Variants in FAM161A observed in about 807,000 individuals in gnomAD.
FAM161A encodes the protein protein FAM161A.
Under a neutral mutation model 70.9 loss-of-function variants are expected in FAM161A, and 57 were observed. The observed-to-expected ratio is 0.80, with a 90% CI of 0.65 to 1.00. FAM161A has a LOEUF of 1.00. Among genes scored for constraint, FAM161A ranks in the 50% least tolerant of loss-of-function variants. FAM161A has a pLI of 0.00. For synonymous variants in FAM161A, 299 were observed against 295.7 expected (o/e 1.01, Z -0.12); for missense variants, 880 against 836.0 (o/e 1.05, Z -0.65).
the FAM161A span, among the ~76,000 whole-genome samples, chr2:61,807,633 A>ATTTT: frequency 0.012 from 1,386 of 113,264 alleles, 42 homozygotes; most frequent in African/African-American, 0.046. Flanking sequence ...TGGACTCCAG[A>ATTTT]TTTTTTTTTT....
At chr2:61,804,866 G>A in the FAM161A span, among the ~76,000 whole-genome samples, 5 of 141,862 alleles carry the variant, frequency 3.5e-5, no homozygotes, top group African/African-American at 1.3e-4. Flanking sequence ...GGGAGGGAGG[G>A]AGCGAGAGAA....
chr2:61,825,965 G>T lies in FAM161A; in HGVS notation c.*490C>A. ...TTTCTATACTTTTAAAAATGGCTCAGAGCAGCAAAACAAGTTAGAGGATTT... is the reference window on the plus strand; with the variant it reads ...TTTCTATACTTTTAAAAATGGCTCATAGCAGCAAAACAAGTTAGAGGATTT... On this transcript the variant is annotated 3_prime_UTR_variant, in exon 7 of 7. Coordinates refer to ENST00000404929, the MANE Select transcript of FAM161A (RefSeq NM_001201543.2). The T allele has an allele frequency of 2.2e-6, 1 of 454,038 alleles. No individual in the cohort carries two copies. The highest frequency in any genetic ancestry group is 4.4e-6 in the Non-Finnish European group (1 of 226,746). The allele number at this position is 454,038 out of a possible 1,614,324, so 28.1% of individuals were successfully genotyped here. A position where few individuals can be genotyped will look rare whatever the true frequency, so the allele number is the denominator to read the frequency against.
At chr2:61,806,382 A>G in the FAM161A span, among the ~76,000 whole-genome samples, 1 of 152,154 alleles carries the variant, frequency 6.6e-6, no homozygotes, top group Non-Finnish European at 1.5e-5. Context: ...CTTTACAATG[A>G]ACCGCCTTCA....
chr2:61,847,149 G>A (rs757088314), intron 1 of FAM161A, among the ~76,000 whole-genome samples: 4 of 151,960 alleles, frequency 2.6e-5, no homozygotes, highest in Admixed American at 6.6e-5. Flanking sequence ...GTGACAGAGT[G>A]AGGCTCCATC....
chr2:61,822,522 CAT>C (rs1299261872), downstream of FAM161A, among the ~76,000 whole-genome samples: 1 of 152,156 alleles, frequency 6.6e-6, no homozygotes, highest in African/African-American at 2.4e-5. Context: ...CACATATACA[CAT>C]ATGTGATAGT....
chr2:61,849,975 G>A (rs1287939443), intron 1 of FAM161A, among the ~76,000 whole-genome samples: 1 of 151,374 alleles, frequency 6.6e-6, no homozygotes. Flanking sequence ...CAGGTGGGGA[G>A]GGAGGGAGGG....
At chr2:61,801,341 C>G in the FAM161A span, among the ~76,000 whole-genome samples, 2 of 151,088 alleles carry the variant, frequency 1.3e-5, no homozygotes, top group Admixed American at 6.6e-5. Context: ...ACTAAAAATG[C>G]AAAAAATTAG....
chr2:61,803,758 G>C, the FAM161A span, among the ~76,000 whole-genome samples: 2 of 152,264 alleles, frequency 1.3e-5, no homozygotes, highest in African/African-American at 4.8e-5. Context: ...AGGTTGCAGT[G>C]AGCTGAGATC....
chr2:61,816,510 G>C, the FAM161A span, among the ~76,000 whole-genome samples: 2 of 152,124 alleles, frequency 1.3e-5, no homozygotes, highest in Non-Finnish European at 2.9e-5. Context: ...GCCCAGGCTG[G>C]AGTGTGGTGG....
intron 5 of FAM161A, among the ~76,000 whole-genome samples, chr2:61,831,111 CAAA>C (rs11366022): frequency 2.3e-4 from 25 of 108,488 alleles, no homozygotes; most frequent in African/African-American, 4.3e-4. Context: ...GACGCCTTCT[CAAA>C]AAAAAAAAAA....
the FAM161A span, among the ~76,000 whole-genome samples, chr2:61,807,342 C>G: frequency 6.6e-6 from 1 of 151,258 alleles, no homozygotes; most frequent in Non-Finnish European, 1.5e-5. Flanking sequence ...AAATAAAAGG[C>G]ACTTAGGAAG....
At chr2:61,822,594 AT>A (rs1301884442), downstream of FAM161A, among the ~76,000 whole-genome samples, 1 of 151,816 alleles carries the variant, frequency 6.6e-6, no homozygotes, top group Non-Finnish European at 1.5e-5. Flanking sequence ...GTTATTTTTT[AT>A]TTTTTTTGAA....
At chr2:61,810,709 C>T in the FAM161A span, among the ~76,000 whole-genome samples, 1 of 152,084 alleles carries the variant, frequency 6.6e-6, no homozygotes, top group Non-Finnish European at 1.5e-5. Context: ...ATCCACCTGC[C>T]TCAGCCTCCC....
At chr2:61,836,674 C>A (rs1008592375) in intron 4 of FAM161A, 1 of 154,574 alleles carries the variant, frequency 6.5e-6, no homozygotes, top group Non-Finnish European at 1.4e-5. Context: ...TGGGTTCATG[C>A]AATTCTCGTG....
the FAM161A span, among the ~76,000 whole-genome samples, chr2:61,812,457 C>T: frequency 1.3e-5 from 2 of 152,172 alleles, no homozygotes; most frequent in Admixed American, 1.3e-4. Context: ...CGTGGTGGCT[C>T]ACGCCTGTAA....
rs1228448697 is a variant in FAM161A, at chr2:61,846,400, T to G, written c.184-4040A>C. Among the ~76,000 whole-genome samples, 4 of 152,322 alleles carry G rather than the reference T, an allele frequency of 2.6e-5. No homozygotes were observed. In the East Asian group the frequency reaches 5.8e-4, roughly 22 times the overall value. On this transcript the variant is annotated intron_variant, in intron 1 of 6. Coordinates refer to ENST00000404929, the MANE Select transcript of FAM161A (RefSeq NM_001201543.2). Reference sequence around the variant, plus strand: ...CGTGGTTTCAGCCCCCTTATGACCCTTCAAAGATGAAAGGGTTGGGTGGGA... The same window carrying G: ...CGTGGTTTCAGCCCCCTTATGACCCGTCAAAGATGAAAGGGTTGGGTGGGA...
the FAM161A span, among the ~76,000 whole-genome samples, chr2:61,811,848 C>T: frequency 5.3e-5 from 8 of 152,066 alleles, no homozygotes; most frequent in African/African-American, 9.7e-5. Context: ...CAGTTTTCAA[C>T]CCTCCCAAAG....
At chr2:61,843,199 A>G (rs1300048718) in intron 1 of FAM161A, among the ~76,000 whole-genome samples, 1 of 152,142 alleles carries the variant, frequency 6.6e-6, no homozygotes, top group Non-Finnish European at 1.5e-5. Flanking sequence ...GCTGGAGTGC[A>G]GTGGCACCAT....
chr2:61,800,873 A>C, the FAM161A span, among the ~76,000 whole-genome samples: 4 of 152,092 alleles, frequency 2.6e-5, no homozygotes, highest in Non-Finnish European at 4.4e-5. Context: ...GCGCAATCTC[A>C]GCTCACTGCA....
Sources: gnomAD v4.1 joint callset for allele counts (sites outside exome capture counted in the v4.1 genomes callset) on GRCh38, gnomAD v4.1.1 for gene constraint, MANE v1.5 for transcripts, NCBI Gene and HGNC (gene_info 2026-07-23, HGNC 2026-07-21) for gene names.